SNTB1: variants seen among roughly 807,000 people sequenced by gnomAD.
SNTB1 encodes the protein syntrophin beta 1, also known as beta-1-syntrophin.
A neutral mutation model predicts 48.9 loss-of-function variants in SNTB1; 36 were observed. That is an observed-to-expected ratio of 0.74 (90% confidence interval 0.56 to 0.97). The LOEUF is 0.97. Ranked by LOEUF, SNTB1 falls within the 50% of genes least tolerant of loss-of-function variation. The pLI, the probability that SNTB1 is intolerant of heterozygous loss-of-function variation, is 0.00. For synonymous variants in SNTB1, 299 were observed against 294.6 expected, an observed-to-expected ratio of 1.01 and a Z score of -0.15; for missense variants, 786 against 703.4, an observed-to-expected ratio of 1.12 and a Z score of -1.33.
chr8:120,685,974 C>T (rs546143325), intron 2 of SNTB1, among the ~76,000 whole-genome samples: 2 of 152,214 alleles, frequency 1.3e-5, no homozygotes, highest in Non-Finnish European at 1.5e-5. Flanking sequence ...GATGGCCTTT[C>T]CTCCATTGTC....
At chr8:120,803,197 A>G (rs867184904) in intron 1 of SNTB1, among the ~76,000 whole-genome samples, 2 of 152,172 alleles carry the variant, frequency 1.3e-5, no homozygotes, top group Non-Finnish European at 2.9e-5. Flanking sequence ...CGTTTATAAA[A>G]AAGTACTGAG....
At chr8:120,694,312 A>T (rs138085004) in intron 1 of SNTB1, among the ~76,000 whole-genome samples, 3 of 152,264 alleles carry the variant, frequency 2.0e-5, no homozygotes, top group East Asian at 3.9e-4. Context: ...ATTACACAGG[A>T]TGCCATTTTT....
intron 3 of SNTB1, among the ~76,000 whole-genome samples, chr8:120,588,075 G>A (rs1162134332): frequency 1.3e-5 from 2 of 150,740 alleles, no homozygotes; most frequent in Admixed American, 6.6e-5. Flanking sequence ...GGCTCTTTGG[G>A]AAAAAAAAAT....
At chr8:120,723,848 C>A (rs1175706761) in intron 1 of SNTB1, among the ~76,000 whole-genome samples, 3 of 152,194 alleles carry the variant, frequency 2.0e-5, no homozygotes, top group African/African-American at 7.2e-5. Flanking sequence ...TAAACGGCAG[C>A]TATTGTTATT....
At chr8:120,693,478 A>G (rs1364645697) in intron 2 of SNTB1, among the ~76,000 whole-genome samples, 12 of 152,240 alleles carry the variant, frequency 7.9e-5, no homozygotes, top group Admixed American at 7.9e-4. Context: ...AACTCTTTCC[A>G]GAACCAGTGC....
At chr8:120,674,878 A>T (rs1323536540) in intron 2 of SNTB1, among the ~76,000 whole-genome samples, 1 of 152,192 alleles carries the variant, frequency 6.6e-6, no homozygotes, top group South Asian at 2.1e-4. Flanking sequence ...AGTAATTATA[A>T]GCTAGGAAGG....
At chr8:120,542,479 C>A (rs1408714926) in intron 5 of SNTB1, among the ~76,000 whole-genome samples, 1 of 152,158 alleles carries the variant, frequency 6.6e-6, no homozygotes, top group Non-Finnish European at 1.5e-5. Flanking sequence ...TATGGTGCAA[C>A]CCCATCTCTA....
intron 4 of SNTB1, among the ~76,000 whole-genome samples, chr8:120,562,692 G>A (rs575040181): frequency 7.9e-5 from 12 of 152,240 alleles, no homozygotes; most frequent in African/African-American, 2.9e-4. Flanking sequence ...TTTGACAAAT[G>A]CAATTGGCCA....
At position 120,811,908 on chromosome 8, in the gene SNTB1, G is replaced by C. The variant is rs1044032767; in HGVS notation, c.-65C>G. The C allele has an allele frequency of 2.2e-5, 28 of 1,290,004 alleles. No homozygotes were observed. In the Admixed American group the frequency reaches 5.1e-4, roughly 23 times the overall value. 79.9% of individuals were successfully genotyped at this position (1,290,004 alleles called of 1,614,324 possible). A position where few individuals can be genotyped will look rare whatever the true frequency, so the allele number is the denominator to read the frequency against. ...GGGGAAAAGTGGGGAAGGGTGGCCG[G>C]GGGGAGGACGCGGGGCCCGGGGGAG... On this transcript the variant is annotated 5_prime_UTR_variant, in exon 1 of 7. Transcript: ENST00000517992.
intron 1 of SNTB1, among the ~76,000 whole-genome samples, chr8:120,772,929 A>G (rs1157948989): frequency 6.6e-6 from 1 of 152,204 alleles, no homozygotes; most frequent in Non-Finnish European, 1.5e-5. Flanking sequence ...AAGCCCCCAC[A>G]ACAAGTGTGC....
At chr8:120,649,835 A>C (rs1320833167) in intron 2 of SNTB1, among the ~76,000 whole-genome samples, 1 of 151,834 alleles carries the variant, frequency 6.6e-6, no homozygotes, top group African/African-American at 2.4e-5. Flanking sequence ...TGGGCGTAGG[A>C]CCCTCTGAGC....
chr8:120,636,338 C>T (rs1372205358), intron 2 of SNTB1, among the ~76,000 whole-genome samples: 1 of 145,566 alleles, frequency 6.9e-6, no homozygotes, highest in African/African-American at 2.5e-5. Flanking sequence ...GTGCGCTGCA[C>T]CCACTAACTC....
intron 2 of SNTB1, among the ~76,000 whole-genome samples, chr8:120,680,107 C>T (rs1817904878): frequency 6.6e-6 from 1 of 152,234 alleles, no homozygotes; most frequent in Non-Finnish European, 1.5e-5. Context: ...TAAGCATAGA[C>T]ATCACTCCCT....
intron 6 of SNTB1, 94 bp downstream of exon 6, chr8:120,541,716 G>A (rs1247271614): frequency 2.4e-6 from 2 of 826,742 alleles, no homozygotes; most frequent in Non-Finnish European, 3.6e-6. Flanking sequence ...CACATCATTA[G>A]CAGTCAAATG....
chr8:120,779,993 T>G, intron 1 of SNTB1, among the ~76,000 whole-genome samples: 1 of 150,050 alleles, frequency 6.7e-6, no homozygotes, highest in Non-Finnish European at 1.5e-5. Flanking sequence ...TGGGGGCTGA[T>G]GGAAAAGTGG....
intron 2 of SNTB1, among the ~76,000 whole-genome samples, chr8:120,644,684 G>A (rs975425429): frequency 7.2e-5 from 11 of 151,800 alleles, no homozygotes; most frequent in African/African-American, 2.4e-4. Flanking sequence ...ACCCAGTAAT[G>A]GGATGGCTGG....
chr8:120,613,970 C>T (rs1216805161), intron 3 of SNTB1, among the ~76,000 whole-genome samples: 4 of 152,112 alleles, frequency 2.6e-5, no homozygotes, highest in South Asian at 4.1e-4. Context: ...AGTGCTTTCA[C>T]GTGCATTATT....
chr8:120,733,681 T>C (rs762891256), intron 1 of SNTB1, among the ~76,000 whole-genome samples: 2 of 152,206 alleles, frequency 1.3e-5, no homozygotes, highest in African/African-American at 2.4e-5. Context: ...ATCTCTAAGA[T>C]TTCAGGGTTT....
At position 120,535,808 on chromosome 8, in the gene SNTB1, G is replaced by A. The variant is rs1340146421; in HGVS notation, c.*3069C>T. On this transcript the variant is annotated 3_prime_UTR_variant, in exon 7 of 7. Coordinates refer to ENST00000517992, the MANE Select transcript of SNTB1 (RefSeq NM_021021.4). ...ATATAAATTTTACATAATATTCATG[G>A]TGCTATAAATATAGGCACATTTTTT... 1 of 151,828 alleles carries A rather than the reference G, an allele frequency of 6.6e-6. No homozygotes were observed. The allele number at this position is 151,828 out of a possible 1,614,324, so 9.4% of individuals were successfully genotyped here.
Sources: gnomAD v4.1 joint callset for allele counts (sites outside exome capture counted in the v4.1 genomes callset) on GRCh38, gnomAD v4.1.1 for gene constraint, MANE v1.5 for transcripts, NCBI Gene and HGNC (gene_info 2026-07-23, HGNC 2026-07-21) for gene names.